Variants in RANBP9 observed in about 807,000 individuals in gnomAD.
The protein encoded by RANBP9 is RAN binding protein 9.
A neutral mutation model predicts 84.3 loss-of-function variants in RANBP9; 15 were observed. The ratio of observed to expected loss-of-function variants is 0.18; its 90% CI spans 0.12 to 0.27. The LOEUF (loss-of-function observed/expected upper bound fraction) is 0.27. RANBP9 is among the 10% of genes least tolerant of loss of function. The pLI, the probability that RANBP9 is intolerant of heterozygous loss-of-function variation, is 1.00. For synonymous variants in RANBP9, 392 were observed against 349.6 expected (o/e 1.12, Z -1.35); for missense variants, 809 against 912.8 (o/e 0.89, Z 1.46).
At chr6:13,648,505 TTTA>T (rs1765224150) in intron 5 of RANBP9, among the ~76,000 whole-genome samples, 1 of 152,174 alleles carries the variant, frequency 6.6e-6, no homozygotes, top group Non-Finnish European at 1.5e-5. Flanking sequence ...TCACTGTAGA[TTTA>T]TATGTAATAA....
intron 1 of RANBP9, among the ~76,000 whole-genome samples, chr6:13,707,200 G>T (rs1430295558): frequency 1.3e-5 from 2 of 151,974 alleles, no homozygotes; most frequent in African/African-American, 2.4e-5. Flanking sequence ...ATTTTTAGGG[G>T]TAGAGACGGG....
At chr6:13,685,503 TTTACAGTGAGCTATGG>T (rs748421690) in intron 2 of RANBP9, among the ~76,000 whole-genome samples, 73 of 152,164 alleles carry the variant, frequency 4.8e-4, no homozygotes, top group Non-Finnish European at 7.8e-4. Context: ...AACCCAACAG[TTTACAGTGAGCTATGG>T]TTACAGTGAG....
At chr6:13,706,600 G>C (rs187783907) in intron 1 of RANBP9, among the ~76,000 whole-genome samples, 44 of 151,380 alleles carry the variant, frequency 2.9e-4, no homozygotes, top group Middle Eastern at 3.4e-3. Flanking sequence ...GGCTGAGGCA[G>C]AAGAATTGCT....
intron 1 of RANBP9, among the ~76,000 whole-genome samples, chr6:13,707,959 A>G (rs957933639): frequency 6.6e-6 from 1 of 152,046 alleles, no homozygotes. Context: ...CTGCTAAGCA[A>G]AAGGCCTTTA....
Position 13,632,461 on chromosome 6 carries a change from C to T in RANBP9, c.1856G>A (p.Arg619Lys), listed in dbSNP as rs1764816516. The T allele has an allele frequency of 6.2e-7, 1 of 1,613,924 alleles. No individual in the cohort carries two copies. Residue 619 changes from arginine to lysine, a missense_variant, in exon 12 of 14, where the codon AGA becomes AAA. Coordinates refer to ENST00000011619, the MANE Select transcript of RANBP9 (RefSeq NM_005493.3). ...CAGCTCTCGTCCAAAGTGGATCATT[C>T]TTTCTATGGCGGCCTGACTTCCTCC... ...LCGGSQAAIE[R>K]MIHFGRELQA...
intron 12 of RANBP9, among the ~76,000 whole-genome samples, chr6:13,628,308 A>G (rs528906650): frequency 6.6e-6 from 1 of 152,326 alleles, no homozygotes; most frequent in African/African-American, 2.4e-5. Flanking sequence ...GATGACCAGG[A>G]CCTAGTCACT....
intron 2 of RANBP9, among the ~76,000 whole-genome samples, chr6:13,687,207 CA>C (rs1217916276): frequency 6.6e-6 from 1 of 152,136 alleles, no homozygotes; most frequent in Non-Finnish European, 1.5e-5. Flanking sequence ...CTGACCACTC[CA>C]AAATCTACCT....
intron 2 of RANBP9, among the ~76,000 whole-genome samples, chr6:13,688,747 C>T (rs1363870995): frequency 6.6e-6 from 1 of 151,830 alleles, no homozygotes; most frequent in Non-Finnish European, 1.5e-5. Flanking sequence ...AACTCCTAGC[C>T]CTAGCCCGTA....
rs769393037 is a variant in RANBP9, at chr6:13,711,061, G to A, written c.445C>T (p.Arg149Trp). 1.4e-5 allele frequency: 22 copies of A among 1,585,646 alleles called. No homozygotes were observed. The Middle Eastern group carries it at 5.0e-4, about 36-fold the overall frequency. The change falls in exon 1 of 14, where the codon CGG (arginine) becomes TGG (tryptophan). Residue 149 changes from arginine (R) to tryptophan (W), a missense_variant. By Grantham distance (101) the Arg-to-Trp change is moderately radical. Transcript: ENST00000011619. ...GCCGGGTAGAGACGCTTCAGCCGCC[G>A]CTGCAACTCCTTCTCCTGCTCGTTC... The part of the protein sequence containing the change: ...ALNEQEKELQ[R>W]RLKRLYPAVD...
At chr6:13,709,389 C>T (rs982498517) in intron 1 of RANBP9, among the ~76,000 whole-genome samples, 2 of 152,212 alleles carry the variant, frequency 1.3e-5, no homozygotes, top group Non-Finnish European at 2.9e-5. Context: ...TCTACACTGG[C>T]TCTGACTTTA....
At chr6:13,673,148 AAAAAC>A (rs528286862) in intron 2 of RANBP9, among the ~76,000 whole-genome samples, 4 of 152,150 alleles carry the variant, frequency 2.6e-5, no homozygotes, top group African/African-American at 9.7e-5. Flanking sequence ...GAAATCAGGA[AAAAAC>A]AAAACAAAAC....
chr6:13,693,874 C>A (rs527651181), intron 2 of RANBP9, among the ~76,000 whole-genome samples: 99 of 152,218 alleles, frequency 6.5e-4, no homozygotes, highest in African/African-American at 2.3e-3. Context: ...GAAACCCTGT[C>A]TCTACTAAAA....
chr6:13,677,461 G>T (rs990927973), intron 2 of RANBP9, among the ~76,000 whole-genome samples: 6 of 152,052 alleles, frequency 3.9e-5, no homozygotes, highest in Non-Finnish European at 8.8e-5. Context: ...CAGTAAGAGG[G>T]ATCTTTTTTT....
chr6:13,634,519 G>T lies in RANBP9; in HGVS notation c.1707C>A (p.Ser569=). Residue 569 remains serine (S), a synonymous_variant, in exon 11 of 14, where the codon TCC becomes TCA. Transcript: ENST00000011619. ...TGGATGAAGTTTCTCCAACTCCATT[G>T]GAGTAGTGATCTGTTTCCATGTCTA... ...NDVDMETDHY[S]NGVGETSSNG... is the part of the protein sequence containing the mutation. 2.5e-6 allele frequency: 4 copies of T among 1,613,104 alleles called. No individual in the cohort carries two copies. The South Asian group carries it at 4.4e-5, about 18-fold the overall frequency.
intron 2 of RANBP9, among the ~76,000 whole-genome samples, chr6:13,666,605 A>C (rs1474967190): frequency 1.0e-5 from 1 of 97,630 alleles, no homozygotes; most frequent in Non-Finnish European, 2.0e-5. Context: ...CTCTCCAAAA[A>C]AAAAAAAAAA....
Position 13,637,960 on chromosome 6 carries a change from A to G in RANBP9, c.1526-5T>C, listed in dbSNP as rs781234860. On this transcript the variant is annotated splice_polypyrimidine_tract_variant and splice_region_variant and intron_variant, in intron 9 of 13. Coordinates refer to ENST00000011619, the MANE Select transcript of RANBP9 (RefSeq NM_005493.3). ...CATTACTACAACTTTCAAAACCTGA[A>G]GAAAAAGATACCACGTAGAAACAGA... is the stretch of plus-strand genomic sequence containing the variant. 1.1e-5 allele frequency: 17 copies of G among 1,588,552 alleles called. No individual in the cohort carries two copies. Among genetic ancestry groups the G allele is most frequent in the East Asian group, 2.2e-5 (1 of 44,706 alleles).
chr6:13,659,101 T>TA (rs945637874), intron 2 of RANBP9, among the ~76,000 whole-genome samples: 67 of 152,174 alleles, frequency 4.4e-4, no homozygotes, highest in African/African-American at 1.6e-3. Flanking sequence ...CTGACACCTA[T>TA]AAAAAATCTC....
At chr6:13,633,410 GTAA>G (rs374222838) in intron 11 of RANBP9, among the ~76,000 whole-genome samples, 2 of 152,282 alleles carry the variant, frequency 1.3e-5, no homozygotes, top group East Asian at 1.9e-4. Flanking sequence ...TAAAAATAAG[GTAA>G]TGACGATGAT....
chr6:13,664,921 G>C (rs991599148), intron 2 of RANBP9, among the ~76,000 whole-genome samples: 2 of 152,110 alleles, frequency 1.3e-5, no homozygotes, highest in Non-Finnish European at 2.9e-5. Context: ...TCAACAAATA[G>C]ATCAATGCAA....
Sources: allele counts gnomAD v4.1 joint callset (sites outside exome capture counted in the v4.1 genomes callset), GRCh38; gene constraint gnomAD v4.1.1; transcripts MANE v1.5; gene names NCBI Gene and HGNC (gene_info 2026-07-23, HGNC 2026-07-21).